Variants in STARD13 observed in about 807,000 individuals in gnomAD.
The protein encoded by STARD13 is stAR-related lipid transfer protein 13.
STARD13 carries 62 observed loss-of-function variants against 106.4 expected under a neutral mutation model. That is an observed-to-expected ratio of 0.58 (90% CI 0.48 to 0.72). The LOEUF (loss-of-function observed/expected upper bound fraction) is 0.72, where lower values mean the gene tolerates loss of function less well. Among genes scored for constraint, STARD13 ranks in the 30% least tolerant of loss-of-function variants. The pLI is 0.00. For missense variants in STARD13, 1,387 were observed against 1,424.0 expected (o/e 0.97, Z 0.42); for synonymous variants, 565 against 553.0 (o/e 1.02, Z -0.31).
chr13:33,519,223 T>C, the STARD13 span, among the ~76,000 whole-genome samples: 1 of 143,890 alleles, frequency 6.9e-6, no homozygotes, highest in Non-Finnish European at 1.5e-5. Flanking sequence ...TTTCTTTCTT[T>C]CTTTCTTTCT....
intron 4 of STARD13, among the ~76,000 whole-genome samples, chr13:33,135,559 T>C (rs1266100320): frequency 1.3e-5 from 2 of 152,210 alleles, no homozygotes; most frequent in African/African-American, 4.8e-5. Context: ...ATTATAAGAA[T>C]TGGCTAGAGA....
the STARD13 span, among the ~76,000 whole-genome samples, chr13:33,376,688 T>A: frequency 6.6e-6 from 1 of 151,996 alleles, no homozygotes; most frequent in South Asian, 2.1e-4. Context: ...TACGGATTTT[T>A]ATGGAAGGAT....
chr13:33,528,265 T>TATATAC, the STARD13 span, among the ~76,000 whole-genome samples: 57 of 131,532 alleles, frequency 4.3e-4, 3 homozygotes, highest in African/African-American at 1.8e-3. Context: ...TACATATATA[T>TATATAC]ATATATATAC....
At chr13:33,146,475 C>T (rs929897279) in intron 3 of STARD13, among the ~76,000 whole-genome samples, 1 of 152,088 alleles carries the variant, frequency 6.6e-6, no homozygotes, top group Non-Finnish European at 1.5e-5. Context: ...CATAGTAGGA[C>T]CCTGTAGCTG....
At chr13:33,569,035 C>T in the STARD13 span, among the ~76,000 whole-genome samples, 12 of 147,964 alleles carry the variant, frequency 8.1e-5, 3 homozygotes, top group Non-Finnish European at 1.2e-4. Context: ...AGTGGGTAGA[C>T]TGGCCATTCT....
the STARD13 span, among the ~76,000 whole-genome samples, chr13:33,504,549 G>T: frequency 8.2e-5 from 12 of 146,482 alleles, no homozygotes; most frequent in South Asian, 2.2e-3. Flanking sequence ...GGGGAGAATT[G>T]AACAATGAGA....
At chr13:33,447,893 T>C in the STARD13 span, among the ~76,000 whole-genome samples, 1 of 152,276 alleles carries the variant, frequency 6.6e-6, no homozygotes, top group African/African-American at 2.4e-5. Flanking sequence ...AGCAATTAAA[T>C]GCAGAATTTA....
At chr13:33,623,275 A>G in the STARD13 span, among the ~76,000 whole-genome samples, 147 of 152,044 alleles carry the variant, frequency 9.7e-4, 1 homozygote, top group Non-Finnish European at 1.0e-3. Context: ...ATGCACAAAC[A>G]TTATTTTGAG....
the STARD13 span, among the ~76,000 whole-genome samples, chr13:33,499,564 C>CT: frequency 6.3e-5 from 4 of 63,354 alleles, no homozygotes; most frequent in African/African-American, 2.3e-4. Context: ...TCTTCTTCTT[C>CT]TTCTTCTTCT....
chr13:33,633,496 G>A, the STARD13 span, among the ~76,000 whole-genome samples: 1 of 152,114 alleles, frequency 6.6e-6, no homozygotes. Flanking sequence ...GGAAGAAAAC[G>A]CACATTTGCC....
At chr13:33,605,494 A>T in the STARD13 span, among the ~76,000 whole-genome samples, 2 of 151,910 alleles carry the variant, frequency 1.3e-5, no homozygotes, top group African/African-American at 4.8e-5. Context: ...ATACAAAATT[A>T]TGTGCTTGGA....
chr13:33,246,358 C>T (rs1276231597), intron 1 of STARD13, among the ~76,000 whole-genome samples: 1 of 152,260 alleles, frequency 6.6e-6, no homozygotes, highest in South Asian at 2.1e-4. Context: ...ACCTAATGTA[C>T]CCCAGACAGG....
chr13:33,345,808 G>A (rs2078011064), downstream of STARD13, among the ~76,000 whole-genome samples: 1 of 151,998 alleles, frequency 6.6e-6, no homozygotes, highest in Non-Finnish European at 1.5e-5. Flanking sequence ...GTGTCACTGT[G>A]ACCTACGTTA....
At chr13:33,551,776 T>G in the STARD13 span, among the ~76,000 whole-genome samples, 1 of 151,690 alleles carries the variant, frequency 6.6e-6, no homozygotes, top group African/African-American at 2.4e-5. Context: ...TTTTGTATTA[T>G]TGATAGAGGC....
chr13:33,622,343 G>C, the STARD13 span, among the ~76,000 whole-genome samples: 1 of 151,936 alleles, frequency 6.6e-6, no homozygotes, highest in Non-Finnish European at 1.5e-5. Flanking sequence ...CGTGTAAAAA[G>C]AATAATAAGT....
the STARD13 span, among the ~76,000 whole-genome samples, chr13:33,417,076 T>C: frequency 6.6e-6 from 1 of 152,224 alleles, no homozygotes; most frequent in Non-Finnish European, 1.5e-5. Context: ...TGAACAGATA[T>C]TTCTTCCAGG....
At chr13:33,417,488 A>AT in the STARD13 span, among the ~76,000 whole-genome samples, 4 of 152,258 alleles carry the variant, frequency 2.6e-5, no homozygotes, top group Non-Finnish European at 5.9e-5. Context: ...TAGCGGCATT[A>AT]TTCACAGTAG....
intron 4 of STARD13, among the ~76,000 whole-genome samples, chr13:33,141,694 G>T (rs1593950151): frequency 1.3e-5 from 2 of 152,178 alleles, no homozygotes; most frequent in Non-Finnish European, 1.5e-5. Flanking sequence ...ACACATGCAT[G>T]AAATAAAACA....
At chr13:33,382,650 T>A in the STARD13 span, among the ~76,000 whole-genome samples, 1 of 152,152 alleles carries the variant, frequency 6.6e-6, no homozygotes, top group African/African-American at 2.4e-5. Context: ...GAGTAGAAAT[T>A]GTGACTCTAC....
Sources: gnomAD v4.1 joint callset for allele counts (sites outside exome capture counted in the v4.1 genomes callset) on GRCh38, gnomAD v4.1.1 for gene constraint, MANE v1.5 for transcripts, NCBI Gene and HGNC (gene_info 2026-07-23, HGNC 2026-07-21) for gene names.